FAM227B: variants seen among roughly 807,000 people sequenced by gnomAD.
FAM227B encodes family with sequence similarity 227 member B.
A neutral mutation model predicts 73.8 loss-of-function variants in FAM227B; 88 were observed. The observed-to-expected ratio is 1.19, with a 90% CI of 1.00 to 1.42. The LOEUF (loss-of-function observed/expected upper bound fraction) is 1.42, where lower values mean the gene tolerates loss of function less well. Ranked by LOEUF, FAM227B falls within the 40% of genes most tolerant of loss-of-function variation. The pLI is 0.00. For synonymous variants in FAM227B, 210 were observed against 190.5 expected (o/e 1.10, Z -0.84); for missense variants, 632 against 590.9 (o/e 1.07, Z -0.72).
chr15:49,428,303 T>C (rs1346786934), intron 11 of FAM227B, among the ~76,000 whole-genome samples: 2 of 151,950 alleles, frequency 1.3e-5, no homozygotes, highest in Non-Finnish European at 2.9e-5. Flanking sequence ...GTATCTAACC[T>C]TAACTAATAA....
rs538394009 is a variant in FAM227B at position 49,568,375 on chromosome 15, A to C, written c.646-29T>G. ...AAAAAAATGTGTGAAATTAAAGTCA[A>C]TATTACAATTTAAAACTGGAATTTG... On this transcript the variant is annotated intron_variant, in intron 8 of 15. Coordinates refer to ENST00000299338, the MANE Select transcript of FAM227B (RefSeq NM_152647.3). 6.5e-6 allele frequency: 10 copies of C among 1,538,288 alleles called. No homozygotes were observed. The South Asian group carries it at 1.0e-4, about 16-fold the overall frequency.
intron 10 of FAM227B, among the ~76,000 whole-genome samples, chr15:49,540,767 G>A (rs2070952632): frequency 6.6e-6 from 1 of 152,184 alleles, no homozygotes; most frequent in South Asian, 2.1e-4. Context: ...AAATTCTTCT[G>A]CCCTTCATCA....
At chr15:49,509,383 A>C (rs1014958200) in intron 10 of FAM227B, among the ~76,000 whole-genome samples, 3 of 152,190 alleles carry the variant, frequency 2.0e-5, no homozygotes, top group African/African-American at 7.2e-5. Context: ...CATGGTTAAT[A>C]CTGTCCAGTA....
At chr15:49,444,913 T>C (rs1349562688) in intron 11 of FAM227B, among the ~76,000 whole-genome samples, 2 of 151,672 alleles carry the variant, frequency 1.3e-5, no homozygotes, top group Non-Finnish European at 3.0e-5. Context: ...AGAATACTGG[T>C]AATTAGAAGC....
chr15:49,366,677 G>T, intron 13 of FAM227B: 3 of 1,516,428 alleles, frequency 2.0e-6, no homozygotes, highest in Non-Finnish European at 2.7e-6. Flanking sequence ...CCGCCGCTGC[G>T]GCCCCATCGG....
intron 5 of FAM227B, among the ~76,000 whole-genome samples, chr15:49,584,266 C>T (rs2076004522): frequency 6.6e-6 from 1 of 152,146 alleles, no homozygotes; most frequent in Non-Finnish European, 1.5e-5. Flanking sequence ...AAAAAAATGA[C>T]ATGATTATCT....
intron 11 of FAM227B, among the ~76,000 whole-genome samples, chr15:49,450,220 G>A (rs749216700): frequency 3.3e-5 from 5 of 152,058 alleles, no homozygotes; most frequent in Non-Finnish European, 5.9e-5. Context: ...AGTGACAGAA[G>A]AATAACAATT....
At chr15:49,467,897 G>T (rs748275218) in intron 11 of FAM227B, among the ~76,000 whole-genome samples, 1 of 152,106 alleles carries the variant, frequency 6.6e-6, no homozygotes, top group Non-Finnish European at 1.5e-5. Context: ...ATAAGTCTGT[G>T]CAATACAGTT....
intron 12 of FAM227B, among the ~76,000 whole-genome samples, chr15:49,370,187 A>T (rs1396003302): frequency 2.0e-5 from 3 of 152,222 alleles, no homozygotes; most frequent in Admixed American, 6.5e-5. Context: ...TGGCAGTCCA[A>T]GCTGACTAGT....
intron 11 of FAM227B, among the ~76,000 whole-genome samples, chr15:49,385,979 C>T (rs573323772): frequency 6.6e-6 from 1 of 151,958 alleles, no homozygotes; most frequent in East Asian, 1.9e-4. Context: ...GTACCAAACA[C>T]TGAAGCATCT....
chr15:49,516,061 T>C (rs1016333327), intron 10 of FAM227B, among the ~76,000 whole-genome samples: 1 of 152,152 alleles, frequency 6.6e-6, no homozygotes, highest in Non-Finnish European at 1.5e-5. Context: ...TTTTCTCTGC[T>C]TCTTTCTTGT....
chr15:49,476,234 T>TTTTTG lies in FAM227B; in HGVS notation c.1012+31976_1012+31977insCAAAA, dbSNP rs2055296651. 1.4e-5 allele frequency among the ~76,000 whole-genome samples: 2 copies of TTTTTG among 146,362 alleles called. 1 individual carries two copies. Among genetic ancestry groups the TTTTTG allele is most frequent in the Non-Finnish European group, 3.0e-5 (2 of 65,908 alleles). On this transcript the variant is annotated intron_variant, in intron 11 of 15. Transcript: ENST00000299338. ...GCTGTTTTGTTTTTTTGTTTTTGGT[T>TTTTTG]TTTTTTTTTTTGCATTTGGCATATA...
intron 13 of FAM227B, among the ~76,000 whole-genome samples, chr15:49,335,837 C>A (rs2039614300): frequency 1.3e-4 from 20 of 152,166 alleles, no homozygotes; most frequent in Admixed American, 7.2e-4. Context: ...TAAAAATGTA[C>A]CAAAATTCAT....
intron 11 of FAM227B, among the ~76,000 whole-genome samples, chr15:49,454,128 T>C (rs978695451): frequency 6.6e-6 from 1 of 152,180 alleles, no homozygotes; most frequent in East Asian, 1.9e-4. Context: ...ACAACATAGA[T>C]GGGGCATACT....
In FAM227B at chr15:49,327,696, A is replaced by G; in HGVS notation, c.*872T>C. On this transcript the variant is annotated 3_prime_UTR_variant, in exon 16 of 16. Transcript: ENST00000299338. Reference sequence around the variant, plus strand: ...ATATTACAGTGGGTTATTGCCAGTCATGAAATGGGAGGAGTACTGTTGACT... The same window carrying G: ...ATATTACAGTGGGTTATTGCCAGTCGTGAAATGGGAGGAGTACTGTTGACT... 3.2e-6 allele frequency: 1 copy of G among 313,544 alleles called. No individual in the cohort carries two copies. 19.4% of individuals were successfully genotyped at this position (313,544 alleles called of 1,614,324 possible).
Position 49,333,144 on chromosome 15 carries a change from T to TA in FAM227B, c.1350-1296dup, listed in dbSNP as rs201261909. ...CTTTTAGTTTACAATCTCCCCTCTT[T>TA]AAAAAAAATTAAGTTTTATTGAGAT... On this transcript the variant is annotated intron_variant, in intron 14 of 15. Transcript: ENST00000299338. Among the ~76,000 whole-genome samples the TA allele has an allele frequency of 6.4e-3, 973 of 152,034 alleles. 13 individuals carry two copies. Among genetic ancestry groups the TA allele is most frequent in the African/African-American group, 0.022 (917 of 41,468 alleles).
chr15:49,494,691 T>C (rs2057445384), intron 11 of FAM227B, among the ~76,000 whole-genome samples: 1 of 152,142 alleles, frequency 6.6e-6, no homozygotes, highest in African/African-American at 2.4e-5. Context: ...TGTTGGTTAT[T>C]GTCTGTCTCT....
chr15:49,377,359 C>T (rs1336218251), intron 11 of FAM227B, among the ~76,000 whole-genome samples: 2 of 151,952 alleles, frequency 1.3e-5, no homozygotes, highest in Non-Finnish European at 2.9e-5. Context: ...TACTGATTTC[C>T]TTTCTTTTGG....
chr15:49,359,885 T>G, intron 13 of FAM227B, among the ~76,000 whole-genome samples: 1 of 146,594 alleles, frequency 6.8e-6, no homozygotes, highest in East Asian at 2.0e-4. Context: ...GTGGCACATA[T>G]ACACCATGGA....
Sources: allele counts gnomAD v4.1 joint callset (sites outside exome capture counted in the v4.1 genomes callset), GRCh38; gene constraint gnomAD v4.1.1; transcripts MANE v1.5; gene names NCBI Gene and HGNC (gene_info 2026-07-23, HGNC 2026-07-21).